Variants in APP observed in about 807,000 individuals in gnomAD.
APP encodes the protein amyloid beta precursor protein, also known as amyloid-beta precursor protein.
APP carries 31 observed loss-of-function variants against 101.4 expected under a neutral mutation model. The observed-to-expected ratio is 0.31, with a 90% CI of 0.23 to 0.41. APP has a LOEUF of 0.41. Among genes scored for constraint, APP ranks in the 10% least tolerant of loss-of-function variants. APP has a pLI of 1.00. For missense variants in APP, 839 were observed against 1,003.7 expected, an observed-to-expected ratio of 0.84 and a Z score of 2.22; for synonymous variants, 366 against 364.4, an observed-to-expected ratio of 1.00 and a Z score of -0.05.
chr21:25,988,972 T>C (rs777415494), intron 8 of APP, among the ~76,000 whole-genome samples: 3 of 152,136 alleles, frequency 2.0e-5, no homozygotes, highest in Non-Finnish European at 2.9e-5. Flanking sequence ...TGATCTATTC[T>C]CAATACCTGC....
At chr21:25,907,619 T>A (rs1216049428) in intron 14 of APP, among the ~76,000 whole-genome samples, 1 of 152,240 alleles carries the variant, frequency 6.6e-6, no homozygotes, top group Non-Finnish European at 1.5e-5. Context: ...TCAGTAGCTT[T>A]GAATCAAATC....
chr21:26,160,257 A>C (rs1003314269), intron 1 of APP, among the ~76,000 whole-genome samples: 1 of 152,180 alleles, frequency 6.6e-6, no homozygotes, highest in Non-Finnish European at 1.5e-5. Flanking sequence ...GAAACCCTCC[A>C]CAATTCAACT....
At chr21:26,157,065 CT>C (rs962890923) in intron 1 of APP, among the ~76,000 whole-genome samples, 1 of 152,016 alleles carries the variant, frequency 6.6e-6, no homozygotes, top group Non-Finnish European at 1.5e-5. Context: ...AATAATGTAG[CT>C]TTTTGATTAC....
At chr21:25,889,187 G>A (rs1477701236) in intron 17 of APP, among the ~76,000 whole-genome samples, 3 of 152,170 alleles carry the variant, frequency 2.0e-5, no homozygotes, top group African/African-American at 4.8e-5. Flanking sequence ...AGATAGGGTC[G>A]AAGAGGTTAT....
chr21:26,013,846 A>G (rs1262293215), intron 6 of APP, among the ~76,000 whole-genome samples: 1 of 152,276 alleles, frequency 6.6e-6, no homozygotes, highest in Non-Finnish European at 1.5e-5. Flanking sequence ...AACTACACGG[A>G]AAGATGCTTG....
chr21:25,976,298 T>G (rs567711610), intron 9 of APP, among the ~76,000 whole-genome samples: 51 of 152,092 alleles, frequency 3.4e-4, no homozygotes, highest in Non-Finnish European at 6.2e-4. Context: ...CCCCGAGAAC[T>G]GACAGTCATT....
chr21:26,008,251 A>G (rs2043624929), intron 6 of APP, among the ~76,000 whole-genome samples: 1 of 152,200 alleles, frequency 6.6e-6, no homozygotes, highest in Admixed American at 6.5e-5. Context: ...TTTACTTGTA[A>G]AGTATTTAGA....
chr21:25,950,600 T>G (rs1217397663), intron 13 of APP, among the ~76,000 whole-genome samples: 13 of 152,154 alleles, frequency 8.5e-5, no homozygotes, highest in Non-Finnish European at 1.9e-4. Flanking sequence ...CACGCTGGTC[T>G]TGAACTCCTG....
In APP at chr21:25,916,945, A is replaced by ACCC. The variant is rs565854796; in HGVS notation, c.1688-4986_1688-4984dup. Among the ~76,000 whole-genome samples, 47 of 152,202 alleles carry ACCC rather than the reference A, an allele frequency of 3.1e-4. No individual in the cohort carries two copies. The East Asian group carries it at 7.5e-3, about 24-fold the overall frequency. On this transcript the variant is annotated intron_variant, in intron 13 of 17. Coordinates refer to ENST00000346798, the MANE Select transcript of APP (RefSeq NM_000484.4). ...ATTTCAAATACCAAACACCTAATGAACCCCATCACCTTGCTCTTTTACAAA... is the reference window on the plus strand; with the variant it reads ...ATTTCAAATACCAAACACCTAATGAACCCCCCCATCACCTTGCTCTTTTACAAA...
At chr21:25,929,891 G>C (rs1037718091) in intron 13 of APP, among the ~76,000 whole-genome samples, 2 of 152,162 alleles carry the variant, frequency 1.3e-5, no homozygotes, top group African/African-American at 4.8e-5. Flanking sequence ...AATCCACAGT[G>C]TCCCATTTTT....
rs530280718 is a variant in APP at position 26,102,585 on chromosome 21, T to A, written c.225+9394A>T. Among the ~76,000 whole-genome samples, 13 of 152,080 alleles carry A rather than the reference T, an allele frequency of 8.5e-5. No homozygotes were observed. The South Asian group carries it at 2.7e-3, about 32-fold the overall frequency. On this transcript the variant is annotated intron_variant, in intron 2 of 17. Transcript: ENST00000346798. ...TAGTTTATTAAAGCAAGTGGCCACT[T>A]TATGCTGTTAAATGATGAATAACTG...
At position 25,911,796 on chromosome 21, in the gene APP, G is replaced by C. The variant is rs200539821; in HGVS notation, c.1854C>G (p.Leu618=). ...CAGCCCCAAAAGAATGCCACGGCTGGAGATCGTCCAGGCTGAACTCTCCAT... is the reference window on the plus strand; with the variant it reads ...CAGCCCCAAAAGAATGCCACGGCTGCAGATCGTCCAGGCTGAACTCTCCAT... The part of the protein sequence containing the change: ...PVNGEFSLDD[L]QPWHSFGADS... Residue 618 remains leucine, a synonymous_variant, in exon 14 of 18, where the codon CTC becomes CTG. Coordinates refer to ENST00000346798, the MANE Select transcript of APP (RefSeq NM_000484.4). 1.2e-6 allele frequency: 2 copies of C among 1,614,132 alleles called. No homozygotes were observed. The highest frequency in any genetic ancestry group is 1.1e-5 in the South Asian group (1 of 91,076).
chr21:26,106,412 G>C (rs535885918), intron 2 of APP, among the ~76,000 whole-genome samples: 2 of 152,202 alleles, frequency 1.3e-5, no homozygotes, highest in East Asian at 3.9e-4. Context: ...CCTGGCAAAA[G>C]AAACTGCCTA....
chr21:26,116,390 C>T (rs915875370), intron 1 of APP, among the ~76,000 whole-genome samples: 4 of 152,134 alleles, frequency 2.6e-5, no homozygotes, highest in African/African-American at 7.2e-5. Flanking sequence ...ATAACATAAA[C>T]GAATATAAAC....
intron 14 of APP, among the ~76,000 whole-genome samples, chr21:25,910,823 G>C (rs1341259442): frequency 1.3e-5 from 2 of 152,124 alleles, no homozygotes; most frequent in Non-Finnish European, 2.9e-5. Context: ...TTTATATGTA[G>C]TTCTCTATCT....
chr21:25,925,151 C>A (rs410176), intron 13 of APP, among the ~76,000 whole-genome samples: 152,274 of 152,274 alleles, frequency 1, 76,137 homozygotes, highest in Non-Finnish European at 1. Flanking sequence ...TTTCCCTACC[C>A]AGGAGGCCCA....
At chr21:26,103,320 G>A (rs940316812) in intron 2 of APP, among the ~76,000 whole-genome samples, 1 of 152,122 alleles carries the variant, frequency 6.6e-6, no homozygotes, top group Non-Finnish European at 1.5e-5. Context: ...GAATTCTGTC[G>A]ATGGAAGGCT....
rs1423424622 is a variant in APP at position 26,007,360 on chromosome 21, T to C, written c.866-7178A>G. 2.0e-5 allele frequency among the ~76,000 whole-genome samples: 3 copies of C among 147,570 alleles called. No homozygotes were observed. In the Admixed American group the frequency reaches 2.0e-4, roughly 10 times the overall value. On this transcript the variant is annotated intron_variant, in intron 6 of 17. Coordinates refer to ENST00000346798, the MANE Select transcript of APP (RefSeq NM_000484.4). ...TCAAATAAACGTTATAATTTATAAATATAATTATAATATATTAGATTATAA... is the reference window on the plus strand; with the variant it reads ...TCAAATAAACGTTATAATTTATAAACATAATTATAATATATTAGATTATAA...
chr21:26,043,211 G>T (rs1023027119), intron 5 of APP, among the ~76,000 whole-genome samples: 5 of 151,642 alleles, frequency 3.3e-5, no homozygotes, highest in Non-Finnish European at 7.4e-5. Context: ...TGTCTAGAAT[G>T]ATATTCCTTA....
Sources: gnomAD v4.1 joint callset for allele counts (sites outside exome capture counted in the v4.1 genomes callset) on GRCh38, gnomAD v4.1.1 for gene constraint, MANE v1.5 for transcripts, NCBI Gene and HGNC (gene_info 2026-07-23, HGNC 2026-07-21) for gene names.